Variants in PRDM4 observed in about 807,000 individuals in gnomAD.
The protein encoded by PRDM4 is PR domain zinc finger protein 4.
PRDM4 carries 38 observed loss-of-function variants against 62.3 expected under a neutral mutation model. That is an observed-to-expected ratio of 0.61 (90% CI 0.47 to 0.80). PRDM4 has a LOEUF of 0.80. Ranked by LOEUF, PRDM4 falls within the 30% of genes least tolerant of loss-of-function variation. The probability of loss-of-function intolerance (pLI) is 0.00; values close to 1 mark genes in which losing one functional copy is unlikely to be tolerated. For synonymous variants in PRDM4, 339 were observed against 348.2 expected (o/e 0.97, Z 0.30); for missense variants, 858 against 997.1 (o/e 0.86, Z 1.88).
rs1303355462 is a variant in PRDM4, at chr12:107,751,656, G to T, written c.885C>A (p.Ser295Arg). Reference protein sequence around the residue: ...LSDSIHTVAMSTNSVSVALST... With the variant: ...LSDSIHTVAMRTNSVSVALST... Reference sequence around the variant, plus strand: ...AGAGTGCCACGCTTACAGAGTTGGTGCTCATGGCCACAGTGTGAATGGAGT... The same window carrying T: ...AGAGTGCCACGCTTACAGAGTTGGTTCTCATGGCCACAGTGTGAATGGAGT... Residue 295 changes from serine (S) to arginine (R), a missense_variant, in exon 5 of 12, where the codon AGC becomes AGA. By Grantham distance (110) the Ser-to-Arg change is moderately radical. This residue lies in a region of PRDM4 where 499 missense variants were observed against 546.7 expected (regional missense o/e 0.91). Coordinates refer to ENST00000228437, the MANE Select transcript of PRDM4 (RefSeq NM_012406.4). 6.2e-7 allele frequency: 1 copy of T among 1,614,028 alleles called. No individual in the cohort carries two copies. Among genetic ancestry groups the T allele is most frequent in the Non-Finnish European group, 8.5e-7 (1 of 1,180,010 alleles).
At chr12:107,748,782 C>T (rs1890804043) in intron 5 of PRDM4, among the ~76,000 whole-genome samples, 1 of 151,932 alleles carries the variant, frequency 6.6e-6, no homozygotes, top group Non-Finnish European at 1.5e-5. Flanking sequence ...TGTAAATACA[C>T]CAAAAAAACC....
chr12:107,745,440 T>A (rs1475712651), intron 6 of PRDM4, among the ~76,000 whole-genome samples: 1 of 151,918 alleles, frequency 6.6e-6, no homozygotes, highest in Non-Finnish European at 1.5e-5. Context: ...TGATTGCATA[T>A]GCCTGTAGTC....
chr12:107,744,465 G>T, intron 7 of PRDM4, 78 bp downstream of exon 7: 1 of 1,517,360 alleles, frequency 6.6e-7, no homozygotes, highest in South Asian at 1.2e-5. Context: ...GGCTGATTTT[G>T]ACTTTATCAT....
intron 4 of PRDM4, among the ~76,000 whole-genome samples, 175 bp downstream of exon 4, chr12:107,753,745 TTATG>T (rs1425447601): frequency 6.6e-6 from 1 of 152,222 alleles, no homozygotes; most frequent in Non-Finnish European, 1.5e-5. Flanking sequence ...TACTAATGTG[TTATG>T]TGCCACATTC....
chr12:107,759,565 C>A (rs1891165643), intron 2 of PRDM4, among the ~76,000 whole-genome samples: 1 of 152,044 alleles, frequency 6.6e-6, no homozygotes, highest in South Asian at 2.1e-4. Context: ...CTTCTCAAAC[C>A]AGTTCAAACC....
intron 5 of PRDM4, among the ~76,000 whole-genome samples, chr12:107,748,048 G>A (rs953605850): frequency 2.0e-5 from 3 of 152,114 alleles, no homozygotes; most frequent in South Asian, 4.1e-4. Flanking sequence ...GCATGGTGGC[G>A]AGCACTTGTA....
Position 107,733,933 on chromosome 12 carries a change from T to A in PRDM4, c.*277A>T, listed in dbSNP as rs868038018. On this transcript the variant is annotated 3_prime_UTR_variant, in exon 12 of 12. Transcript: ENST00000228437. The stretch of plus-strand genomic sequence containing the variant: ...CAGCTTTGATTCAGGCATAAATGCA[T>A]CTCCCAGATTATCATGTAAATAAAG... The A allele has an allele frequency of 2.8e-6, 1 of 353,070 alleles. No homozygotes were observed. Among genetic ancestry groups the A allele is most frequent in the Non-Finnish European group, 5.1e-6 (1 of 196,058 alleles). 21.9% of individuals were successfully genotyped at this position (353,070 alleles called of 1,614,324 possible). A position where few individuals can be genotyped will look rare whatever the true frequency, so the allele number is the denominator to read the frequency against.
chr12:107,746,528 A>G, intron 5 of PRDM4, 104 bp from the exon 6 acceptor site: 1 of 1,134,196 alleles, frequency 8.8e-7, no homozygotes, highest in Non-Finnish European at 1.2e-6. Context: ...CTCTGCACCC[A>G]GGCTGGAGTG....
At chr12:107,756,078 G>A (rs543093653) in intron 3 of PRDM4, among the ~76,000 whole-genome samples, 105 of 150,842 alleles carry the variant, frequency 7.0e-4, no homozygotes, top group Admixed American at 2.4e-3. Context: ...CGACAAGAGC[G>A]AAACTCCATC....
chr12:107,741,782 G>C (rs1890527345), intron 9 of PRDM4, among the ~76,000 whole-genome samples: 1 of 152,122 alleles, frequency 6.6e-6, no homozygotes, highest in African/African-American at 2.4e-5. Flanking sequence ...GGTAAATACT[G>C]GATTATAAGG....
chr12:107,739,811 G>A, intron 10 of PRDM4: 1 of 228,692 alleles, frequency 4.4e-6, no homozygotes, highest in South Asian at 1.7e-4. Flanking sequence ...ATGTATAGGT[G>A]ATACATAAAA....
intron 3 of PRDM4, among the ~76,000 whole-genome samples, chr12:107,755,968 C>T (rs995482448): frequency 6.6e-6 from 1 of 152,176 alleles, no homozygotes; most frequent in Non-Finnish European, 1.5e-5. Context: ...TGCCTGTAGT[C>T]TCAGCTACTC....
At chr12:107,747,076 G>C (rs1890731554) in intron 5 of PRDM4, among the ~76,000 whole-genome samples, 2 of 151,902 alleles carry the variant, frequency 1.3e-5, no homozygotes, top group Admixed American at 1.3e-4. Flanking sequence ...GAGTCCAGGA[G>C]TTCAAGACCA....
In PRDM4 at chr12:107,746,390, G is replaced by C. The variant is rs1253060324; in HGVS notation, c.1161C>G (p.Asp387Glu). The C allele has an allele frequency of 6.2e-7, 1 of 1,612,310 alleles. No individual in the cohort carries two copies. Among genetic ancestry groups the C allele is most frequent in the East Asian group, 2.2e-5 (1 of 44,802 alleles). The change falls in exon 6 of 12, where the codon GAC becomes GAG. Residue 387 changes from aspartate (D) to glutamate (E), a missense_variant. Asp to Glu is a conservative substitution (Grantham distance 45, BLOSUM62 2). Transcript: ENST00000228437. ...AAGTCACTGGTCCATGTTCGGGACA[G>C]TCCGAGGGATAGGCGCGGTCACACA... ...CTLCDRAYPS[D>E]CPEHGPVTFV...
At chr12:107,755,706 T>C (rs182847194) in intron 3 of PRDM4, among the ~76,000 whole-genome samples, 13 of 152,350 alleles carry the variant, frequency 8.5e-5, no homozygotes, top group East Asian at 1.9e-4. Flanking sequence ...CAGCTTATCA[T>C]TGTAATAATC....
chr12:107,761,030 G>T lies in PRDM4; in HGVS notation c.-330C>A, dbSNP rs989681453. On this transcript the variant is annotated 5_prime_UTR_variant, in exon 1 of 12. Coordinates refer to ENST00000228437, the MANE Select transcript of PRDM4 (RefSeq NM_012406.4). Reference sequence around the variant, plus strand: ...TCATCCGGGCAGAGTTCGCCTCGGGGCCCTGCCCGTCCGCTCGGCCCCCTC... The same window carrying T: ...TCATCCGGGCAGAGTTCGCCTCGGGTCCCTGCCCGTCCGCTCGGCCCCCTC... 3 of 151,358 alleles carry T rather than the reference G, an allele frequency of 2.0e-5. No homozygotes were observed. Among genetic ancestry groups the T allele is most frequent in the East Asian group, 2.0e-4 (1 of 5,102 alleles). The allele number at this position is 151,358 out of a possible 1,614,324, so 9.4% of individuals were successfully genotyped here.
At chr12:107,734,649 G>T in intron 11 of PRDM4, 127 bp from the exon 12 acceptor site, 1 of 842,686 alleles carries the variant, frequency 1.2e-6, no homozygotes. Context: ...CTTTTGCATA[G>T]GTGATATACA....
chr12:107,752,669 A>C (rs1426829690), intron 4 of PRDM4, among the ~76,000 whole-genome samples: 1 of 152,134 alleles, frequency 6.6e-6, no homozygotes, highest in Non-Finnish European at 1.5e-5. Context: ...AAACAAAAAA[A>C]AATTAACACT....
rs972629275 is a variant in PRDM4 at position 107,756,669 on chromosome 12, C to G, written c.145+163G>C. ...TCTAATACTCTACCTCTACAAAAAC[C>G]TTATTTTCCATTACCTATCACATGT... On this transcript the variant is annotated intron_variant, in intron 3 of 11. Transcript: ENST00000228437. 2.0e-5 allele frequency among the ~76,000 whole-genome samples: 3 copies of G among 152,188 alleles called. 1 individual carries two copies. Among genetic ancestry groups the G allele is most frequent in the Non-Finnish European group, 1.5e-5 (1 of 68,030 alleles).
Sources: gnomAD v4.1 joint callset for allele counts (sites outside exome capture counted in the v4.1 genomes callset) on GRCh38, gnomAD v4.1.1 for gene constraint, gnomAD v4.1.1 regional missense constraint, MANE v1.5 for transcripts, NCBI Gene and HGNC (gene_info 2026-07-23, HGNC 2026-07-21) for gene names.